TXNRD3: variants seen among roughly 807,000 people sequenced by gnomAD.
TXNRD3 encodes the protein TXNRD3 neighbor gene protein.
In TXNRD3, 68 loss-of-function variants were observed where a neutral mutation model predicts 78.2. That is an observed-to-expected ratio of 0.87 (90% CI 0.72 to 1.06). The LOEUF (loss-of-function observed/expected upper bound fraction) is 1.06. Ranked by LOEUF, TXNRD3 falls within the 50% of genes least tolerant of loss-of-function variation. TXNRD3 has a pLI of 0.00. For missense variants in TXNRD3, 751 were observed against 809.5 expected (o/e 0.93, Z 0.88); for synonymous variants, 296 against 300.1 (o/e 0.99, Z 0.14).
intron 10 of TXNRD3, among the ~76,000 whole-genome samples, chr3:126,626,429 A>G (rs1938581455): frequency 6.6e-6 from 1 of 152,260 alleles, no homozygotes; most frequent in East Asian, 1.9e-4. Context: ...CAAGATATAT[A>G]GAAGCCCTGC....
rs199855743 is a variant in TXNRD3, at chr3:126,639,572, A to AT, written c.712+2459dup. 1.4e-3 allele frequency among the ~76,000 whole-genome samples: 207 copies of AT among 152,038 alleles called. 2 individuals carry two copies. The East Asian group carries it at 0.032, about 24-fold the overall frequency. On this transcript the variant is annotated intron_variant, in intron 6 of 15. Transcript: ENST00000524230. ...GATGAAGGGTTTAGGGAAAAGAAAGATTTTTTTCTTTTTCCGAGACAAGAT... is the reference window on the plus strand; with the variant it reads ...GATGAAGGGTTTAGGGAAAAGAAAGATTTTTTTTCTTTTTCCGAGACAAGAT...
chr3:126,643,124 G>A (rs1251318918), intron 5 of TXNRD3, among the ~76,000 whole-genome samples: 2 of 152,118 alleles, frequency 1.3e-5, no homozygotes, highest in Non-Finnish European at 2.9e-5. Context: ...GACCCAGCAG[G>A]GAAGGAGCCA....
At chr3:126,615,509 G>A in intron 12 of TXNRD3, 47 bp from the exon 13 acceptor site, 3 of 1,025,394 alleles carry the variant, frequency 2.9e-6, no homozygotes, top group African/African-American at 1.6e-5. Context: ...AAACTTTATA[G>A]CAAAAATCTA....
intron 6 of TXNRD3, among the ~76,000 whole-genome samples, chr3:126,640,549 A>G (rs931685530): frequency 6.6e-6 from 1 of 152,146 alleles, no homozygotes; most frequent in African/African-American, 2.4e-5. Flanking sequence ...CAGAACCAGG[A>G]TCATCTATGA....
At chr3:126,620,726 C>T (rs13063166) in intron 12 of TXNRD3, among the ~76,000 whole-genome samples, 2 of 152,070 alleles carry the variant, frequency 1.3e-5, no homozygotes, top group African/African-American at 4.8e-5. Context: ...AAGGCCCTAC[C>T]AATTCTTCTT....
At chr3:126,644,434 A>G (rs377501398) in intron 3 of TXNRD3, 33 bp from the exon 4 acceptor site, 9 of 1,458,468 alleles carry the variant, frequency 6.2e-6, no homozygotes, top group East Asian at 4.9e-5. Flanking sequence ...AGAACACTGC[A>G]GAATTTAAAG....
chr3:126,640,271 A>AT lies in TXNRD3; in HGVS notation c.712+1760dup, dbSNP rs1483148238. ...AGGCGCCCGCCACTACGCCCGGCTA[A>AT]TTTTTTGTATTTTTTTTAGTAGAGA... On this transcript the variant is annotated intron_variant, in intron 6 of 15. Coordinates refer to ENST00000524230, the MANE Select transcript of TXNRD3 (RefSeq NM_052883.3). 6.7e-3 allele frequency among the ~76,000 whole-genome samples: 284 copies of AT among 42,132 alleles called. 7 individuals carry two copies. Among genetic ancestry groups the AT allele is most frequent in the Non-Finnish European group, 0.016 (176 of 10,738 alleles). The allele number at this position is 42,132 out of a possible 152,430, so 27.6% of individuals were successfully genotyped here.
intron 5 of TXNRD3, 42 bp downstream of exon 5, chr3:126,643,939 T>C (rs1190398213): frequency 1.7e-5 from 25 of 1,492,378 alleles, no homozygotes; most frequent in Admixed American, 6.4e-5. Flanking sequence ...GCAAACAACA[T>C]ATGTAAAGAG....
chr3:126,654,728 C>T lies in TXNRD3; in HGVS notation c.243+20G>A. ...GCGGGCCCGGTCGCGCGCGGTGGAACCGGCGAGGGCCGCGCCTACCCGAGT... is the reference window on the plus strand; with the variant it reads ...GCGGGCCCGGTCGCGCGCGGTGGAATCGGCGAGGGCCGCGCCTACCCGAGT... On this transcript the variant is annotated intron_variant, in intron 1 of 15. Transcript: ENST00000524230. The T allele has an allele frequency of 2.3e-6, 3 of 1,284,492 alleles. No homozygotes were observed. The highest frequency in any genetic ancestry group is 2.0e-6 in the Non-Finnish European group (2 of 1,018,060). The allele number at this position is 1,284,492 out of a possible 1,614,324, so 79.6% of individuals were successfully genotyped here. A position where few individuals can be genotyped will look rare whatever the true frequency, so the allele number is the denominator to read the frequency against.
intron 13 of TXNRD3, among the ~76,000 whole-genome samples, chr3:126,613,411 T>A (rs1019345221): frequency 1.3e-5 from 2 of 152,210 alleles, no homozygotes; most frequent in African/African-American, 4.8e-5. Context: ...TTACCAGTGT[T>A]TCCTTTACTA....
intron 5 of TXNRD3, 106 bp from the exon 6 acceptor site, chr3:126,642,257 G>A: frequency 7.6e-7 from 1 of 1,317,352 alleles, no homozygotes; most frequent in Non-Finnish European, 9.9e-7. Flanking sequence ...ATGGTGGGGG[G>A]GATGACACCC....
Position 126,654,979 on chromosome 3 carries a change from C to T in TXNRD3, c.12G>A (p.Ser4=), listed in dbSNP as rs1243608195. 4 of 1,300,698 alleles carry T rather than the reference C, an allele frequency of 3.1e-6. No homozygotes were observed. The highest frequency in any genetic ancestry group is 3.9e-6 in the Non-Finnish European group (4 of 1,029,086). 80.6% of individuals were successfully genotyped at this position (1,300,698 alleles called of 1,614,324 possible). The change falls in exon 1 of 16, where the codon TCG becomes TCA. Residue 4 remains serine, a synonymous_variant. Coordinates refer to ENST00000524230, the MANE Select transcript of TXNRD3 (RefSeq NM_052883.3). ...TTCCCGGCCCGGGCGACTGCGGCGG[C>T]GACCGCTCCAGAGTCTCGCTCTCGC...
At chr3:126,638,890 G>A (rs1044240520) in intron 6 of TXNRD3, among the ~76,000 whole-genome samples, 5 of 152,240 alleles carry the variant, frequency 3.3e-5, no homozygotes, top group Non-Finnish European at 7.3e-5. Flanking sequence ...GGCAGGGAGT[G>A]CAGCAAAGCA....
intron 10 of TXNRD3, 124 bp from the exon 11 acceptor site, chr3:126,622,664 T>C (rs1220766296): frequency 2.2e-5 from 15 of 688,510 alleles, no homozygotes; most frequent in Admixed American, 3.4e-5. Context: ...TCTATGCCAA[T>C]AAAGCTGACA....
At chr3:126,648,121 A>G (rs1357333873) in intron 1 of TXNRD3, among the ~76,000 whole-genome samples, 1 of 152,242 alleles carries the variant, frequency 6.6e-6, no homozygotes, top group African/African-American at 2.4e-5. Flanking sequence ...AATTTCATTT[A>G]TAATAGCAAC....
rs111288569 is a variant in TXNRD3, at chr3:126,609,717, G to A, written c.1729-1084C>T. Among the ~76,000 whole-genome samples the A allele has an allele frequency of 5.5e-3, 839 of 152,262 alleles. 9 individuals are homozygous for A. The highest frequency in any genetic ancestry group is 0.019 in the African/African-American group (786 of 41,522). The stretch of plus-strand genomic sequence containing the variant: ...TCTGGGCGGGAGCCAGAAGGGTGGC[G>A]TGGGACATAGCAGAGGGGCTCAGAG... On this transcript the variant is annotated intron_variant, in intron 14 of 15. Coordinates refer to ENST00000524230, the MANE Select transcript of TXNRD3 (RefSeq NM_052883.3).
intron 6 of TXNRD3, among the ~76,000 whole-genome samples, chr3:126,638,831 A>G (rs1397428635): frequency 1.3e-5 from 2 of 152,256 alleles, no homozygotes; most frequent in African/African-American, 2.4e-5. Context: ...GAAAGTATTT[A>G]GAAATATTCA....
chr3:126,640,796 T>G (rs1272188308), intron 6 of TXNRD3, among the ~76,000 whole-genome samples: 1 of 151,322 alleles, frequency 6.6e-6, no homozygotes, highest in Non-Finnish European at 1.5e-5. Flanking sequence ...TATCCTTTCC[T>G]CTCTTTTCTA....
At chr3:126,611,425 G>C (rs2107608888) in intron 13 of TXNRD3, among the ~76,000 whole-genome samples, 1 of 152,334 alleles carries the variant, frequency 6.6e-6, no homozygotes, top group South Asian at 2.1e-4. Flanking sequence ...CCAAGGCAGA[G>C]CACTAGGCAC....
Sources: allele counts gnomAD v4.1 joint callset (sites outside exome capture counted in the v4.1 genomes callset), GRCh38; gene constraint gnomAD v4.1.1; transcripts MANE v1.5; gene names NCBI Gene and HGNC (gene_info 2026-07-23, HGNC 2026-07-21).